The following LPIN2 variants were observed in gnomAD, a reference collection of about 807,000 sequenced individuals.
LPIN2 encodes the protein phosphatidate phosphatase LPIN2.
LPIN2 carries 55 observed loss-of-function variants against 111.4 expected under a neutral mutation model. That is an observed-to-expected ratio of 0.49 (90% CI 0.40 to 0.62). The LOEUF (loss-of-function observed/expected upper bound fraction) is 0.62, where lower values mean the gene tolerates loss of function less well. Ranked by LOEUF, LPIN2 falls within the 20% of genes least tolerant of loss-of-function variation. The pLI, the probability that LPIN2 is intolerant of heterozygous loss-of-function variation, is 0.00. For synonymous variants in LPIN2, 425 were observed against 414.0 expected (o/e 1.03, Z -0.32); for missense variants, 992 against 1,112.1 (o/e 0.89, Z 1.54).
rs2144162847 is a variant in LPIN2, at chr18:2,931,460, G to A, written c.1269-17C>T. The A allele has an allele frequency of 1.9e-6, 3 of 1,560,484 alleles. No homozygotes were observed. Among genetic ancestry groups the A allele is most frequent in the East Asian group, 4.7e-5 (2 of 42,244 alleles). The stretch of plus-strand genomic sequence containing the variant: ...TCCGATTCACTGTGGACAGGGGATG[G>A]GGAAAAGATGTGCTTTATTACAACT... On this transcript the variant is annotated splice_polypyrimidine_tract_variant and intron_variant, in intron 8 of 19. Transcript: ENST00000677752.
chr18:2,940,603 A>G lies in LPIN2; in HGVS notation c.698+2T>C. On this transcript the variant is annotated splice_donor_variant, in intron 5 of 19. Transcript: ENST00000677752. LOFTEE classifies it high-confidence loss of function. The stretch of plus-strand genomic sequence containing the variant: ...AAACCAAGAAATTTCAAAGATACTT[A>G]CGTCTCTAAAGGGGACCAATCTCCA... The G allele has an allele frequency of 6.3e-7, 1 of 1,581,074 alleles. No homozygotes were observed. The highest frequency in any genetic ancestry group is 8.7e-7 in the Non-Finnish European group (1 of 1,150,622).
At chr18:2,930,998 G>C (rs998630836) in intron 9 of LPIN2, among the ~76,000 whole-genome samples, 5 of 152,128 alleles carry the variant, frequency 3.3e-5, no homozygotes, top group African/African-American at 1.2e-4. Flanking sequence ...CAGAAAACAG[G>C]GCGGCCTGAT....
In LPIN2 at chr18:2,940,624, C is replaced by A. The variant is rs375646718; in HGVS notation, c.679G>T (p.Asp227Tyr). 6.2e-7 allele frequency: 1 copy of A among 1,610,840 alleles called. No individual in the cohort carries two copies. Among genetic ancestry groups the A allele is most frequent in the Non-Finnish European group, 8.5e-7 (1 of 1,177,222 alleles). Residue 227 changes from aspartate to tyrosine, a missense_variant, in exon 5 of 20, where the codon GAT (aspartate) becomes TAT (tyrosine). Coordinates refer to ENST00000677752, the MANE Select transcript of LPIN2 (RefSeq NM_001375808.2). Reference sequence around the variant, plus strand: ...ACTTACGTCTCTAAAGGGGACCAATCTCCATCAGATAAGGGGTAATGATCC... The same window carrying A: ...ACTTACGTCTCTAAAGGGGACCAATATCCATCAGATAAGGGGTAATGATCC... Reference protein sequence around the residue: ...SGDHYPLSDGDWSPLETTYPQ... With the variant: ...SGDHYPLSDGYWSPLETTYPQ...
At chr18:3,009,757 G>GT (rs1399440237) in intron 1 of LPIN2, among the ~76,000 whole-genome samples, 1 of 152,066 alleles carries the variant, frequency 6.6e-6, no homozygotes, top group Non-Finnish European at 1.5e-5. Context: ...CTCATTTCTT[G>GT]TTAACAATTT....
chr18:2,934,480 TTTAG>T lies in LPIN2; in HGVS notation c.1169-34_1169-31del, dbSNP rs780620108. ...TTAAAAAAAAAATCAGAGGTAAGAA[TTTAG>T]TTATTCTTCATTTACAGCTCTGCAA... On this transcript the variant is annotated intron_variant, in intron 7 of 19. Transcript: ENST00000677752. The T allele has an allele frequency of 1.4e-5, 20 of 1,421,616 alleles. No homozygotes were observed. The South Asian group carries it at 2.1e-4, about 15-fold the overall frequency. 88.1% of individuals were successfully genotyped at this position (1,421,616 alleles called of 1,614,324 possible). A position where few individuals can be genotyped will look rare whatever the true frequency, so the allele number is the denominator to read the frequency against.
intron 7 of LPIN2, among the ~76,000 whole-genome samples, chr18:2,937,187 G>A (rs932490090): frequency 6.6e-6 from 1 of 152,118 alleles, no homozygotes; most frequent in African/African-American, 2.4e-5. Flanking sequence ...ACAGCAGTGT[G>A]CAAGTCAGGC....
intron 1 of LPIN2, among the ~76,000 whole-genome samples, chr18:2,984,143 A>G (rs2078152604): frequency 6.6e-6 from 1 of 152,250 alleles, no homozygotes; most frequent in South Asian, 2.1e-4. Flanking sequence ...TTAATACAGT[A>G]ACATATCACC....
intron 2 of LPIN2, among the ~76,000 whole-genome samples, chr18:2,957,768 A>T (rs1000821075): frequency 4.6e-5 from 7 of 152,214 alleles, no homozygotes; most frequent in African/African-American, 1.7e-4. Flanking sequence ...GGGAATTCTG[A>T]CAGCAAGCTT....
chr18:3,012,893 C>T (rs1200966570), intron 1 of LPIN2, among the ~76,000 whole-genome samples, 194 bp downstream of exon 1: 1 of 151,522 alleles, frequency 6.6e-6, no homozygotes, highest in East Asian at 1.9e-4. Context: ...CGCGGCGAGG[C>T]GGGGACTGGG....
intron 1 of LPIN2, among the ~76,000 whole-genome samples, chr18:3,005,879 C>T (rs760254270): frequency 3.3e-5 from 5 of 152,088 alleles, no homozygotes; most frequent in Non-Finnish European, 7.4e-5. Flanking sequence ...CAATGAACAA[C>T]AATAATCATA....
intron 1 of LPIN2, among the ~76,000 whole-genome samples, chr18:2,964,575 C>A (rs1243070740): frequency 6.6e-6 from 1 of 151,908 alleles, no homozygotes; most frequent in Non-Finnish European, 1.5e-5. Flanking sequence ...GGAAGAGAGC[C>A]CAATCGGCTG....
intron 7 of LPIN2, among the ~76,000 whole-genome samples, chr18:2,937,010 A>C (rs967150878): frequency 2.0e-5 from 3 of 152,234 alleles, no homozygotes; most frequent in Admixed American, 2.0e-4. Context: ...AAGATGTTTC[A>C]AGTGAAAACA....
chr18:2,948,055 GAAAACAACCTGAATTTTC>G lies in LPIN2; in HGVS notation c.590+2982_590+2999del, dbSNP rs368099910. Among the ~76,000 whole-genome samples, 158 of 152,250 alleles carry G rather than the reference GAAAACAACCTGAATTTTC, an allele frequency of 1.0e-3. 1 individual carries two copies. The East Asian group carries it at 0.02, about 20-fold the overall frequency. On this transcript the variant is annotated intron_variant, in intron 4 of 19. Coordinates refer to ENST00000677752, the MANE Select transcript of LPIN2 (RefSeq NM_001375808.2). The stretch of plus-strand genomic sequence containing the variant: ...ACCTTTTAGCTCAGTGCTTATTTCA[GAAAACAACCTGAATTTTC>G]ACAGATGTTTACATTTTGTTTTCTT...
At chr18:3,005,835 G>A (rs2078507346) in intron 1 of LPIN2, among the ~76,000 whole-genome samples, 2 of 152,094 alleles carry the variant, frequency 1.3e-5, no homozygotes, top group Non-Finnish European at 2.9e-5. Flanking sequence ...AGACCAACCT[G>A]GGCAACACAG....
At chr18:2,987,242 T>C (rs1373865548) in intron 1 of LPIN2, among the ~76,000 whole-genome samples, 2 of 152,180 alleles carry the variant, frequency 1.3e-5, no homozygotes, top group Non-Finnish European at 2.9e-5. Context: ...TTACTTGTTA[T>C]AGACTCACAA....
In LPIN2 at chr18:2,921,306, C is replaced by T. The variant is rs1289732512; in HGVS notation, c.2442+227G>A. On this transcript the variant is annotated intron_variant, in intron 18 of 19. Coordinates refer to ENST00000677752, the MANE Select transcript of LPIN2 (RefSeq NM_001375808.2). ...GGAAATGGAATGGCAGCCACAGAAA[C>T]GATGGAAAAGCGTCCTTCGTATAAA... The T allele has an allele frequency of 5.0e-6, 3 of 601,788 alleles. No homozygotes were observed. In the East Asian group the frequency reaches 8.4e-5, roughly 17 times the overall value. 37.3% of individuals were successfully genotyped at this position (601,788 alleles called of 1,614,324 possible). A position where few individuals can be genotyped will look rare whatever the true frequency, so the allele number is the denominator to read the frequency against.
chr18:2,929,722 A>G (rs1453304450), intron 9 of LPIN2, among the ~76,000 whole-genome samples: 1 of 152,156 alleles, frequency 6.6e-6, no homozygotes, highest in East Asian at 1.9e-4. Context: ...CCTGGCCAAT[A>G]CGGTGAAAAC....
At chr18:2,946,401 TTC>T (rs1439251950) in intron 4 of LPIN2, 1 of 1,477,338 alleles carries the variant, frequency 6.8e-7, no homozygotes, top group African/African-American at 1.4e-5. Context: ...TCAGTTGTTC[TTC>T]TCTTACAGCA....
chr18:2,943,275 A>C (rs2077392846), intron 4 of LPIN2, among the ~76,000 whole-genome samples: 1 of 152,170 alleles, frequency 6.6e-6, no homozygotes, highest in South Asian at 2.1e-4. Context: ...ATAGTAAAAC[A>C]TATGCTACCT....
Sources: allele counts gnomAD v4.1 joint callset (sites outside exome capture counted in the v4.1 genomes callset), GRCh38; gene constraint gnomAD v4.1.1; transcripts MANE v1.5; gene names NCBI Gene and HGNC (gene_info 2026-07-23, HGNC 2026-07-21).